FIP1L1: variants seen among roughly 807,000 people sequenced by gnomAD.
FIP1L1 encodes pre-mRNA 3'-end-processing factor FIP1.
FIP1L1 carries 21 observed loss-of-function variants against 84.6 expected under a neutral mutation model. That is an observed-to-expected ratio of 0.25 (90% CI 0.18 to 0.36). FIP1L1 has a LOEUF of 0.36. Among genes scored for constraint, FIP1L1 ranks in the 10% least tolerant of loss-of-function variants. FIP1L1 has a pLI of 1.00. For missense variants in FIP1L1, 526 were observed against 751.1 expected (o/e 0.70, Z 3.50); for synonymous variants, 263 against 242.3 (o/e 1.09, Z -0.80).
intron 14 of FIP1L1, among the ~76,000 whole-genome samples, chr4:53,443,111 C>T (rs1220994471): frequency 6.6e-6 from 1 of 152,004 alleles, no homozygotes; most frequent in Non-Finnish European, 1.5e-5. Context: ...TGTCTTATTC[C>T]TTGATACACC....
At chr4:53,419,472 C>G (rs1358517914) in intron 11 of FIP1L1, among the ~76,000 whole-genome samples, 1 of 152,126 alleles carries the variant, frequency 6.6e-6, no homozygotes, top group African/African-American at 2.4e-5. Context: ...GACAGAGTCT[C>G]ACTCTGTTTC....
chr4:53,419,575 G>A (rs1390148732), intron 11 of FIP1L1, among the ~76,000 whole-genome samples: 3 of 151,946 alleles, frequency 2.0e-5, no homozygotes. Context: ...CGAGTAGCTG[G>A]GACTACAGGC....
At chr4:53,383,681 A>G in intron 4 of FIP1L1, 92 bp from the exon 5 acceptor site, 11 of 1,302,110 alleles carry the variant, frequency 8.4e-6, no homozygotes, top group Non-Finnish European at 1.1e-5. Context: ...GAAAGAAAAA[A>G]AAAAACAGGG....
In FIP1L1 at chr4:53,381,834, C is replaced by A. The variant is rs561988141; in HGVS notation, c.171-444C>A. On this transcript the variant is annotated intron_variant, in intron 3 of 17. Transcript: ENST00000337488. ...GAGTGCAGTGGCATGATCACTGCAG[C>A]CTCACTGCAACCTCTATCTCCTGGG... Among the ~76,000 whole-genome samples the A allele has an allele frequency of 1.9e-4, 27 of 141,716 alleles. No homozygotes were observed. In the South Asian group the frequency reaches 5.4e-3, roughly 29 times the overall value. The allele number at this position is 141,716 out of a possible 152,430, so 93.0% of individuals were successfully genotyped here. A position where few individuals can be genotyped will look rare whatever the true frequency, so the allele number is the denominator to read the frequency against.
Position 53,460,150 on chromosome 4 carries a change from G to A in FIP1L1, c.*701G>A, listed in dbSNP as rs557686801. ...TTTAAATCGCCTCATGACCATGTCT[G>A]TGAGCCAGGGTCAAGCTGGTTTGGC... On this transcript the variant is annotated 3_prime_UTR_variant, in exon 18 of 18. Coordinates refer to ENST00000337488, the MANE Select transcript of FIP1L1 (RefSeq NM_030917.4). The A allele has an allele frequency of 1.0e-5, 2 of 198,938 alleles. No individual in the cohort carries two copies. Among genetic ancestry groups the A allele is most frequent in the African/African-American group, 4.6e-5 (2 of 43,466 alleles). 12.3% of individuals were successfully genotyped at this position (198,938 alleles called of 1,614,324 possible). A position where few individuals can be genotyped will look rare whatever the true frequency, so the allele number is the denominator to read the frequency against.
chr4:53,438,030 T>C (rs1770240861), intron 13 of FIP1L1, among the ~76,000 whole-genome samples: 1 of 152,114 alleles, frequency 6.6e-6, no homozygotes. Context: ...CGGCCTATGT[T>C]CAAGTTTTAA....
chr4:53,398,777 A>C (rs1748739555), intron 9 of FIP1L1, among the ~76,000 whole-genome samples: 1 of 152,206 alleles, frequency 6.6e-6, no homozygotes, highest in African/African-American at 2.4e-5. Context: ...CTACAATCAA[A>C]GGATCTAATA....
At chr4:53,427,877 A>G (rs779133720) in intron 12 of FIP1L1, 150 bp from the exon 13 acceptor site, 10 of 606,916 alleles carry the variant, frequency 1.6e-5, no homozygotes, top group Non-Finnish European at 2.6e-5. Flanking sequence ...CATATCACAC[A>G]TGTAGAACTA....
At chr4:53,455,331 A>G (rs1232746075) in intron 16 of FIP1L1, among the ~76,000 whole-genome samples, 3 of 152,132 alleles carry the variant, frequency 2.0e-5, no homozygotes, top group South Asian at 2.1e-4. Flanking sequence ...ACTTCAGCCT[A>G]TCATTACTTT....
At chr4:53,381,956 A>G (rs1161938257) in intron 3 of FIP1L1, among the ~76,000 whole-genome samples, 1 of 150,270 alleles carries the variant, frequency 6.7e-6, no homozygotes, top group Non-Finnish European at 1.5e-5. Flanking sequence ...TTTTTAGTAG[A>G]GACGGGGTTT....
At chr4:53,409,999 G>C (rs978418497) in intron 10 of FIP1L1, among the ~76,000 whole-genome samples, 1 of 152,244 alleles carries the variant, frequency 6.6e-6, no homozygotes, top group African/African-American at 2.4e-5. Flanking sequence ...TGCACCCACT[G>C]TCCTGCGCCC....
In FIP1L1 at chr4:53,381,828, C is replaced by G. The variant is rs542408585; in HGVS notation, c.171-450C>G. Among the ~76,000 whole-genome samples, 6 of 134,460 alleles carry G rather than the reference C, an allele frequency of 4.5e-5. No homozygotes were observed. In the South Asian group the frequency reaches 1.5e-3, roughly 34 times the overall value. 88.2% of individuals were successfully genotyped at this position (134,460 alleles called of 152,430 possible). A position where few individuals can be genotyped will look rare whatever the true frequency, so the allele number is the denominator to read the frequency against. On this transcript the variant is annotated intron_variant, in intron 3 of 17. Transcript: ENST00000337488. ...AGGCTAGAGTGCAGTGGCATGATCA[C>G]TGCAGCCTCACTGCAACCTCTATCT...
chr4:53,444,811 A>G (rs9995284), intron 15 of FIP1L1, among the ~76,000 whole-genome samples: 84,296 of 151,800 alleles, frequency 0.56, 25,241 homozygotes, highest in Non-Finnish European at 0.67. Flanking sequence ...GGCTCAAGCA[A>G]TTCTCCTGTC....
Position 53,377,807 on chromosome 4 carries a change from A to T in FIP1L1, c.-32A>T, listed in dbSNP as rs1297733902. ...GGGAAGGGGTTGGAGGGGGCTGTTG[A>T]TCGCCGCGTTTAAGTTGCGCTCGGG... On this transcript the variant is annotated 5_prime_UTR_variant, in exon 1 of 18. Coordinates refer to ENST00000337488, the MANE Select transcript of FIP1L1 (RefSeq NM_030917.4). 3.9e-6 allele frequency: 6 copies of T among 1,525,400 alleles called. No individual in the cohort carries two copies. Among genetic ancestry groups the T allele is most frequent in the Non-Finnish European group, 4.4e-6 (5 of 1,132,336 alleles). 94.5% of individuals were successfully genotyped at this position (1,525,400 alleles called of 1,614,324 possible). A position where few individuals can be genotyped will look rare whatever the true frequency, so the allele number is the denominator to read the frequency against.
At chr4:53,406,159 T>A (rs913016366) in intron 10 of FIP1L1, among the ~76,000 whole-genome samples, 5 of 152,192 alleles carry the variant, frequency 3.3e-5, no homozygotes, top group African/African-American at 9.7e-5. Context: ...TATAGATAGC[T>A]CTTATTATTT....
chr4:53,396,767 A>C (rs578109529), intron 9 of FIP1L1, among the ~76,000 whole-genome samples: 1 of 152,244 alleles, frequency 6.6e-6, no homozygotes, highest in Non-Finnish European at 1.5e-5. Flanking sequence ...AAATTAAAAA[A>C]TCATGCTTTC....
intron 16 of FIP1L1, among the ~76,000 whole-genome samples, chr4:53,457,532 A>G (rs1338139748): frequency 1.3e-5 from 2 of 152,132 alleles, no homozygotes; most frequent in African/African-American, 4.8e-5. Flanking sequence ...AGCATTAATG[A>G]ATCATTACTT....
intron 13 of FIP1L1, among the ~76,000 whole-genome samples, chr4:53,432,713 C>G (rs191017328): frequency 6.6e-6 from 1 of 152,226 alleles, no homozygotes; most frequent in African/African-American, 2.4e-5. Context: ...GAAGCGGGGA[C>G]CTAAGTCATC....
At chr4:53,386,735 C>T (rs371985618) in intron 5 of FIP1L1, among the ~76,000 whole-genome samples, 1 of 152,144 alleles carries the variant, frequency 6.6e-6, no homozygotes, top group Non-Finnish European at 1.5e-5. Flanking sequence ...TGGTTGAAAT[C>T]ACTTATGGAA....
Sources: allele counts gnomAD v4.1 joint callset (sites outside exome capture counted in the v4.1 genomes callset), GRCh38; gene constraint gnomAD v4.1.1; transcripts MANE v1.5; gene names NCBI Gene and HGNC (gene_info 2026-07-23, HGNC 2026-07-21).